Variants in TPRG1L observed in about 807,000 individuals in gnomAD.
The protein encoded by TPRG1L is tumor protein p63-regulated gene 1-like protein.
Under a neutral mutation model 29.4 loss-of-function variants are expected in TPRG1L, and 25 were observed. The observed-to-expected ratio is 0.85, with a 90% CI of 0.62 to 1.19. The LOEUF is 1.19. Ranked by LOEUF, TPRG1L falls within the 50% of genes most tolerant of loss-of-function variation. The pLI is 0.00. For synonymous variants in TPRG1L, 182 were observed against 151.1 expected (o/e 1.20, Z -1.50); for missense variants, 354 against 364.4 (o/e 0.97, Z 0.23).
Position 3,627,710 on chromosome 1 carries a change from G to A in TPRG1L, c.624+57G>A, listed in dbSNP as rs114554984. ...CCCCGCAGTGATGGAAACACCCCCCGCAGTCACGGAGACACTTCAGGTCTG... is the reference window on the plus strand; with the variant it reads ...CCCCGCAGTGATGGAAACACCCCCCACAGTCACGGAGACACTTCAGGTCTG... On this transcript the variant is annotated intron_variant, in intron 4 of 4. Coordinates refer to ENST00000378344, the MANE Select transcript of TPRG1L (RefSeq NM_182752.4). The A allele has an allele frequency of 1.6e-3, 2,575 of 1,602,756 alleles. 30 individuals carry two copies. In the African/African-American group the frequency reaches 0.028, roughly 17 times the overall value.
chr1:3,627,754 C>T (rs920206838), intron 4 of TPRG1L, 101 bp downstream of exon 4: 16 of 1,475,800 alleles, frequency 1.1e-5, no homozygotes, highest in Middle Eastern at 4.0e-4. Flanking sequence ...GGCGGCCACG[C>T]GGAGCTGCCG....
chr1:3,626,031 A>T, intron 3 of TPRG1L, 142 bp downstream of exon 3: 2 of 807,010 alleles, frequency 2.5e-6, no homozygotes, highest in Non-Finnish European at 3.7e-6. Context: ...CCAAATATCA[A>T]TGGGAAGTTC....
intron 3 of TPRG1L, among the ~76,000 whole-genome samples, chr1:3,626,107 A>T (rs999986255): frequency 3.9e-5 from 6 of 152,260 alleles, no homozygotes; most frequent in Non-Finnish European, 8.8e-5. Flanking sequence ...GAAGGCAGCT[A>T]TTAGGCTGGT....
At chr1:3,627,709 C>A (rs551115533) in intron 4 of TPRG1L, 56 bp downstream of exon 4, 122 of 1,603,306 alleles carry the variant, frequency 7.6e-5, no homozygotes, top group Middle Eastern at 1.7e-4. Context: ...AAACACCCCC[C>A]GCAGTCACGG....
Position 3,625,907 on chromosome 1 carries a change from C to T in TPRG1L, c.470+18C>T, listed in dbSNP as rs1254554242. The T allele has an allele frequency of 1.9e-6, 3 of 1,600,706 alleles. No homozygotes were observed. The African/African-American group carries it at 4.0e-5, about 21-fold the overall frequency. On this transcript the variant is annotated intron_variant, in intron 3 of 4. Transcript: ENST00000378344. ...CTCAACAAGTAAGCCTGTTCAGAGTCCAGTATCACTGGACCTAAGCACCAG... is the reference window on the plus strand; with the variant it reads ...CTCAACAAGTAAGCCTGTTCAGAGTTCAGTATCACTGGACCTAAGCACCAG...
rs369478316 is a variant in TPRG1L, at chr1:3,628,538, A to C, written c.754A>C (p.Met252Leu). ...PLLIETYVGL[M>L]SFINNEAKLG... is the part of the protein sequence containing the mutation. ...GCTCATCGAGACCTACGTGGGACTC[A>C]TGTCCTTCATTAACAACGAGGCGAA... The change falls in exon 5 of 5, where the codon ATG becomes CTG. Residue 252 changes from methionine to leucine, a missense_variant. Met to Leu is a conservative substitution (Grantham distance 15, BLOSUM62 2). Transcript: ENST00000378344. The C allele has an allele frequency of 2.5e-6, 4 of 1,613,524 alleles. No homozygotes were observed. Among genetic ancestry groups the C allele is most frequent in the South Asian group, 1.1e-5 (1 of 91,032 alleles).
rs1644475019 is a variant in TPRG1L, at chr1:3,625,281, AGGGGCCAGGGCC to A, written c.201+14_201+25del. On this transcript the variant is annotated intron_variant, in intron 1 of 4. Coordinates refer to ENST00000378344, the MANE Select transcript of TPRG1L (RefSeq NM_182752.4). ...GAGTACTTCGTGTTCCGGGTGAGGC[AGGGGCCAGGGCC>A]GGGGCGGGGGCCGAGGGCGCGGGGC... 1 of 1,394,994 alleles carries A rather than the reference AGGGGCCAGGGCC, an allele frequency of 7.2e-7. No individual in the cohort carries two copies. Among genetic ancestry groups the A allele is most frequent in the African/African-American group, 1.6e-5 (1 of 62,554 alleles). The allele number at this position is 1,394,994 out of a possible 1,614,324, so 86.4% of individuals were successfully genotyped here. A position where few individuals can be genotyped will look rare whatever the true frequency, so the allele number is the denominator to read the frequency against.
chr1:3,625,695 C>T lies in TPRG1L; in HGVS notation c.294-18C>T, dbSNP rs201847531. 2.5e-6 allele frequency: 4 copies of T among 1,603,652 alleles called. No individual in the cohort carries two copies. The highest frequency in any genetic ancestry group is 4.5e-5 in the East Asian group (2 of 44,768). On this transcript the variant is annotated intron_variant, in intron 2 of 4. Coordinates refer to ENST00000378344, the MANE Select transcript of TPRG1L (RefSeq NM_182752.4). ...CAGCCGCGTCCAGTGTGGACTGAGG[C>T]CCCTCCTCTGCCTACAGGGTGGATC... is the stretch of plus-strand genomic sequence containing the variant.
In TPRG1L at chr1:3,625,468, G is replaced by T; in HGVS notation, c.246G>T (p.Val82=). The change falls in exon 2 of 5, where the codon GTG becomes GTT. Residue 82 remains valine, a synonymous_variant. Coordinates refer to ENST00000378344, the MANE Select transcript of TPRG1L (RefSeq NM_182752.4). ...CAGTGGAGGAGATCCGCGTGGTGGT[G>T]CGGCCCGTGGAGGACGGCGAGATCC... ...EQAVEEIRVV[V]RPVEDGEIQG... The T allele has an allele frequency of 6.2e-7, 1 of 1,607,584 alleles. No individual in the cohort carries two copies. Among genetic ancestry groups the T allele is most frequent in the South Asian group, 1.1e-5 (1 of 89,584 alleles).
At position 3,625,788 on chromosome 1, in the gene TPRG1L, C is replaced by T; in HGVS notation, c.369C>T (p.Asp123=). The T allele has an allele frequency of 1.2e-6, 2 of 1,613,794 alleles. No homozygotes were observed. Among genetic ancestry groups the T allele is most frequent in the South Asian group, 2.2e-5 (2 of 91,084 alleles). The change falls in exon 3 of 5, where the codon GAC becomes GAT. Residue 123 remains aspartate (D), a synonymous_variant. Coordinates refer to ENST00000378344, the MANE Select transcript of TPRG1L (RefSeq NM_182752.4). ...TEQSLLICKY[D]FISLQCQQVV... ...AGTCCCTGCTTATCTGTAAATACGACTTCATCAGTCTCCAGTGCCAGCAGG... is the reference window on the plus strand; with the variant it reads ...AGTCCCTGCTTATCTGTAAATACGATTTCATCAGTCTCCAGTGCCAGCAGG...
At chr1:3,626,844 G>T (rs1044364680) in intron 3 of TPRG1L, among the ~76,000 whole-genome samples, 2 of 152,078 alleles carry the variant, frequency 1.3e-5, no homozygotes, top group African/African-American at 2.4e-5. Flanking sequence ...CTCCCAAAGC[G>T]CTGGGATTAT....
chr1:3,625,720 C>T lies in TPRG1L; in HGVS notation c.301C>T (p.His101Tyr), dbSNP rs1173984834. The change falls in exon 3 of 5, where the codon CAC (histidine) becomes TAC (tyrosine). Residue 101 changes from histidine (H) to tyrosine (Y), a missense_variant. Transcript: ENST00000378344. ...CCCCTCCTCTGCCTACAGGGTGGATCACTGGAACAATGAGAAGGAGCGGCT... is the reference window on the plus strand; with the variant it reads ...CCCCTCCTCTGCCTACAGGGTGGATTACTGGAACAATGAGAAGGAGCGGCT... ...QGVWLLTEVD[H>Y]WNNEKERLVL... 1 of 1,612,152 alleles carries T rather than the reference C, an allele frequency of 6.2e-7. No individual in the cohort carries two copies. Among genetic ancestry groups the T allele is most frequent in the Non-Finnish European group, 8.5e-7 (1 of 1,179,154 alleles).
chr1:3,629,929 C>A lies in TPRG1L; in HGVS notation c.*1326C>A, dbSNP rs1219966547. ...GCTGTCGATAAGCTTCACGCACTGG[C>A]TTGCCAGTTCTTCAGCTCTAGGACT... On this transcript the variant is annotated 3_prime_UTR_variant, in exon 5 of 5. Transcript: ENST00000378344. 1 of 152,270 alleles carries A rather than the reference C, an allele frequency of 6.6e-6. No homozygotes were observed. Among genetic ancestry groups the A allele is most frequent in the Non-Finnish European group, 1.5e-5 (1 of 68,064 alleles). 9.4% of individuals were successfully genotyped at this position (152,270 alleles called of 1,614,324 possible).
chr1:3,626,552 C>T (rs918641632), intron 3 of TPRG1L, among the ~76,000 whole-genome samples: 10 of 150,626 alleles, frequency 6.6e-5, no homozygotes, highest in African/African-American at 9.8e-5. Context: ...ACTTCCTTTT[C>T]ACTCATTTGG....
In TPRG1L at chr1:3,628,538, A is replaced by G. The variant is rs369478316; in HGVS notation, c.754A>G (p.Met252Val). 29 of 1,613,524 alleles carry G rather than the reference A, an allele frequency of 1.8e-5. No individual in the cohort carries two copies. The highest frequency in any genetic ancestry group is 2.5e-5 in the Non-Finnish European group (29 of 1,179,692). ...GCTCATCGAGACCTACGTGGGACTCATGTCCTTCATTAACAACGAGGCGAA... is the reference window on the plus strand; with the variant it reads ...GCTCATCGAGACCTACGTGGGACTCGTGTCCTTCATTAACAACGAGGCGAA... ...PLLIETYVGLMSFINNEAKLG... is the reference protein window; with the variant it reads ...PLLIETYVGLVSFINNEAKLG... Residue 252 changes from methionine to valine, a missense_variant, in exon 5 of 5, where the codon ATG (methionine) becomes GTG (valine). Transcript: ENST00000378344.
intron 2 of TPRG1L, 70 bp from the exon 3 acceptor site, chr1:3,625,643 G>T: frequency 1.9e-6 from 3 of 1,574,522 alleles, no homozygotes; most frequent in Non-Finnish European, 2.6e-6. Flanking sequence ...TGCCCTTCCA[G>T]GCGGGCTGGC....
At position 3,628,835 on chromosome 1, in the gene TPRG1L, A is replaced by G; in HGVS notation, c.*232A>G. ...CTCTGCTCATATAAGCTACAGACAA[A>G]AGCCAAAAGACTCTCGCTGTCCCTG... On this transcript the variant is annotated 3_prime_UTR_variant, in exon 5 of 5. Transcript: ENST00000378344. The G allele has an allele frequency of 2.4e-6, 1 of 415,990 alleles. No individual in the cohort carries two copies. Among genetic ancestry groups the G allele is most frequent in the Non-Finnish European group, 4.3e-6 (1 of 233,138 alleles). The allele number at this position is 415,990 out of a possible 1,614,324, so 25.8% of individuals were successfully genotyped here. A position where few individuals can be genotyped will look rare whatever the true frequency, so the allele number is the denominator to read the frequency against.
intron 3 of TPRG1L, among the ~76,000 whole-genome samples, chr1:3,626,685 C>T (rs1207039674): frequency 1.3e-5 from 2 of 150,070 alleles, no homozygotes; most frequent in Non-Finnish European, 3.0e-5. Context: ...CTTAAGTGAT[C>T]CTCTCACCTC....
Position 3,628,685 on chromosome 1 carries a change from C to A in TPRG1L, c.*82C>A. 7.2e-7 allele frequency: 1 copy of A among 1,392,290 alleles called. No individual in the cohort carries two copies. The highest frequency in any genetic ancestry group is 9.7e-7 in the Non-Finnish European group (1 of 1,025,922). The allele number at this position is 1,392,290 out of a possible 1,614,324, so 86.2% of individuals were successfully genotyped here. ...GCCAAGGGATGTGGGGGCTGGGGGA[C>A]TGGGAGGCCTGGCAGTCTTCATGCT... On this transcript the variant is annotated 3_prime_UTR_variant, in exon 5 of 5. Coordinates refer to ENST00000378344, the MANE Select transcript of TPRG1L (RefSeq NM_182752.4).
Sources: allele counts gnomAD v4.1 joint callset (sites outside exome capture counted in the v4.1 genomes callset), GRCh38; gene constraint gnomAD v4.1.1; transcripts MANE v1.5; gene names NCBI Gene and HGNC (gene_info 2026-07-23, HGNC 2026-07-21).